The following LARGE1 variants were observed in gnomAD, a reference collection of about 807,000 sequenced individuals.
The protein encoded by LARGE1 is LARGE xylosyl- and glucuronyltransferase 1, also known as xylosyl- and glucuronyltransferase LARGE1.
A neutral mutation model predicts 87.6 loss-of-function variants in LARGE1; 43 were observed. That is an observed-to-expected ratio of 0.49 (90% CI 0.38 to 0.63). The LOEUF (loss-of-function observed/expected upper bound fraction) is 0.63. LARGE1 is among the 30% of genes least tolerant of loss of function. The pLI, the probability that LARGE1 is intolerant of heterozygous loss-of-function variation, is 0.00. For synonymous variants in LARGE1, 434 were observed against 394.6 expected (o/e 1.10, Z -1.18); for missense variants, 802 against 1,000.2 (o/e 0.80, Z 2.67).
At chr22:33,378,175 T>C (rs2065044923) in intron 9 of LARGE1, among the ~76,000 whole-genome samples, 1 of 152,198 alleles carries the variant, frequency 6.6e-6, no homozygotes, top group South Asian at 2.1e-4. Context: ...TTCTTCTAGA[T>C]CAGATTTATG....
rs527824962 is a variant in LARGE1 at position 33,733,940 on chromosome 22, T to C, written c.106+27431A>G. ...ATCACAACCTGGGTGGCTTACACAA[T>C]AGAAATGTACTGCCTCACAGTTTTA... On this transcript the variant is annotated intron_variant, in intron 2 of 14. Coordinates refer to ENST00000397394, the MANE Select transcript of LARGE1 (RefSeq NM_133642.5). Among the ~76,000 whole-genome samples the C allele has an allele frequency of 7.2e-5, 11 of 152,194 alleles. No individual in the cohort carries two copies. In the South Asian group the frequency reaches 2.3e-3, roughly 32 times the overall value.
chr22:33,741,096 A>C (rs1430805878), intron 2 of LARGE1, among the ~76,000 whole-genome samples: 1 of 152,228 alleles, frequency 6.6e-6, no homozygotes, highest in East Asian at 1.9e-4. Flanking sequence ...TCATAAAAGA[A>C]GGCAAGCCTT....
At chr22:33,710,536 T>C (rs1014972627) in intron 2 of LARGE1, among the ~76,000 whole-genome samples, 1 of 152,148 alleles carries the variant, frequency 6.6e-6, no homozygotes, top group Non-Finnish European at 1.5e-5. Flanking sequence ...AGAATGGAAA[T>C]GACAGCAGCA....
chr22:33,474,283 C>T (rs1231017471), intron 6 of LARGE1, among the ~76,000 whole-genome samples: 24 of 152,320 alleles, frequency 1.6e-4, no homozygotes, highest in Non-Finnish European at 2.9e-4. Context: ...CCTGCCTCAG[C>T]CTCCCAAGTA....
chr22:33,638,505 C>T (rs760568589), intron 3 of LARGE1, among the ~76,000 whole-genome samples: 1 of 152,134 alleles, frequency 6.6e-6, no homozygotes, highest in Non-Finnish European at 1.5e-5. Flanking sequence ...AGAGGTGAGG[C>T]CCCTGTGAAG....
At chr22:33,847,469 T>C (rs1477911524) in intron 1 of LARGE1, among the ~76,000 whole-genome samples, 1 of 152,224 alleles carries the variant, frequency 6.6e-6, no homozygotes, top group Non-Finnish European at 1.5e-5. Context: ...TTTTAAAAAA[T>C]CATAATTCCA....
Position 33,171,131 on chromosome 22 carries a change from G to C in LARGE1, c.1731-4299C>G, listed in dbSNP as rs114466431. Among the ~76,000 whole-genome samples the C allele has an allele frequency of 9.5e-3, 1,443 of 152,200 alleles. 22 individuals carry two copies. The highest frequency in any genetic ancestry group is 0.033 in the African/African-American group (1,356 of 41,542). On this transcript the variant is annotated intron_variant, in intron 11 of 11. Coordinates refer to the LARGE1 transcript ENST00000608642. The stretch of plus-strand genomic sequence containing the variant: ...TAGAGATCTGTGGAACTTTAAACTT[G>C]AGTGAGATAATTTAGGGTGTCTGGT...
the LARGE1 span, among the ~76,000 whole-genome samples, chr22:33,128,104 T>C: frequency 6.6e-6 from 1 of 152,204 alleles, no homozygotes; most frequent in Non-Finnish European, 1.5e-5. Flanking sequence ...TCTTTCCTTT[T>C]AAAAATAATT....
intron 1 of LARGE1, among the ~76,000 whole-genome samples, chr22:33,854,019 T>A (rs1301467049): frequency 6.6e-6 from 1 of 152,054 alleles, no homozygotes; most frequent in African/African-American, 2.4e-5. Context: ...AGACCGGCCA[T>A]ACCAGACAGT....
intron 4 of LARGE1, among the ~76,000 whole-genome samples, chr22:33,607,674 G>A (rs2079305990): frequency 6.6e-6 from 1 of 152,106 alleles, no homozygotes. Context: ...GTCTGGGATT[G>A]GGCAACCAAG....
intron 9 of LARGE1, among the ~76,000 whole-genome samples, chr22:33,375,802 C>A (rs1288988210): frequency 6.6e-6 from 1 of 152,072 alleles, no homozygotes; most frequent in Admixed American, 6.6e-5. Context: ...GGCTGGAGTG[C>A]AGTGGCACAA....
chr22:33,231,923 T>C (rs573333957), intron 11 of LARGE1, among the ~76,000 whole-genome samples: 51 of 152,362 alleles, frequency 3.3e-4, no homozygotes, highest in Non-Finnish European at 6.8e-4. Flanking sequence ...CCATTTATGA[T>C]GCATAACTTT....
At chr22:33,096,576 T>G in the LARGE1 span, among the ~76,000 whole-genome samples, 19 of 143,388 alleles carry the variant, frequency 1.3e-4, no homozygotes, top group Non-Finnish European at 2.5e-4. Flanking sequence ...GTTTTTTTTT[T>G]TTTTTTGAGA....
intron 6 of LARGE1, among the ~76,000 whole-genome samples, chr22:33,550,130 G>C (rs2077480035): frequency 7.0e-6 from 1 of 143,746 alleles, no homozygotes. Flanking sequence ...ATGTACCCTA[G>C]AACTTAAAGT....
chr22:33,893,974 C>G (rs983663475), intron 1 of LARGE1, among the ~76,000 whole-genome samples: 1 of 152,162 alleles, frequency 6.6e-6, no homozygotes, highest in African/African-American at 2.4e-5. Flanking sequence ...TCTATCGATT[C>G]CACAGGAAAA....
At chr22:33,649,116 G>T (rs1403572445) in intron 3 of LARGE1, among the ~76,000 whole-genome samples, 3 of 152,154 alleles carry the variant, frequency 2.0e-5, no homozygotes, top group African/African-American at 4.8e-5. Flanking sequence ...TCCTCTGTCG[G>T]ATGCTCTCTA....
intron 1 of LARGE1, among the ~76,000 whole-genome samples, chr22:33,885,026 T>C (rs1361879031): frequency 6.6e-6 from 1 of 152,220 alleles, no homozygotes; most frequent in East Asian, 1.9e-4. Context: ...AATGCTGAGT[T>C]AGGCAGTTTT....
chr22:33,129,292 T>G, the LARGE1 span, among the ~76,000 whole-genome samples: 25 of 152,146 alleles, frequency 1.6e-4, no homozygotes, highest in Non-Finnish European at 3.5e-4. Context: ...TTCTTTGGGA[T>G]GAAGAATCAG....
At chr22:33,618,076 C>A (rs796193123) in intron 4 of LARGE1, among the ~76,000 whole-genome samples, 9 of 152,286 alleles carry the variant, frequency 5.9e-5, no homozygotes, top group African/African-American at 2.2e-4. Context: ...GAAAAGAAAG[C>A]GCGTGTGACA....
Sources: gnomAD v4.1 joint callset for allele counts (sites outside exome capture counted in the v4.1 genomes callset) on GRCh38, gnomAD v4.1.1 for gene constraint, MANE v1.5 for transcripts, NCBI Gene and HGNC (gene_info 2026-07-23, HGNC 2026-07-21) for gene names.